LY96: variants seen among roughly 807,000 people sequenced by gnomAD.
The protein encoded by LY96 is lymphocyte antigen 96.
LY96 carries 18 observed loss-of-function variants against 18.9 expected under a neutral mutation model. That is an observed-to-expected ratio of 0.95 (90% CI 0.66 to 1.41). The LOEUF is 1.41. Ranked by LOEUF, LY96 falls within the 40% of genes most tolerant of loss-of-function variation. The pLI is 0.00. For synonymous variants in LY96, 66 were observed against 62.6 expected, an observed-to-expected ratio of 1.06 and a Z score of -0.26; for missense variants, 175 against 182.4, an observed-to-expected ratio of 0.96 and a Z score of 0.23.
chr8:74,005,816 G>T, intron 2 of LY96, among the ~76,000 whole-genome samples: 1 of 152,188 alleles, frequency 6.6e-6, no homozygotes, highest in Non-Finnish European at 1.5e-5. Context: ...TTGCCTGTAA[G>T]CTCTGGAATC....
At chr8:74,079,244 G>A in the LY96 span, among the ~76,000 whole-genome samples, 1 of 152,188 alleles carries the variant, frequency 6.6e-6, no homozygotes, top group South Asian at 2.1e-4. Context: ...ACTCAGGCTG[G>A]AATTACTCCA....
intron 3 of LY96, among the ~76,000 whole-genome samples, chr8:74,021,380 C>T (rs1288823540): frequency 6.6e-6 from 1 of 152,222 alleles, no homozygotes; most frequent in Middle Eastern, 3.2e-3. Context: ...GATACCATCT[C>T]ACACTGGTTA....
At position 74,025,985 on chromosome 8, in the gene LY96, G is replaced by A. The variant is rs550744623; in HGVS notation, c.332-804G>A. ...ATCACGCCATTGTACTCCGGCCTGG[G>A]CAACAGAGTGAGACTCCATCTCAAA... On this transcript the variant is annotated intron_variant, in intron 3 of 4. Transcript: ENST00000284818. 3.3e-5 allele frequency among the ~76,000 whole-genome samples: 5 copies of A among 152,282 alleles called. No homozygotes were observed. In the South Asian group the frequency reaches 6.2e-4, roughly 19 times the overall value.
At chr8:74,005,613 G>A (rs1219026328) in intron 2 of LY96, among the ~76,000 whole-genome samples, 2 of 152,214 alleles carry the variant, frequency 1.3e-5, no homozygotes, top group Non-Finnish European at 2.9e-5. Flanking sequence ...GAAAAATACA[G>A]TAATAATGGG....
the LY96 span, among the ~76,000 whole-genome samples, chr8:74,058,053 A>G: frequency 6.6e-6 from 1 of 152,172 alleles, no homozygotes; most frequent in Non-Finnish European, 1.5e-5. Context: ...TCCTGTTTGA[A>G]GAGGATACTT....
At chr8:74,019,907 G>C (rs1474258577) in intron 3 of LY96, among the ~76,000 whole-genome samples, 1 of 152,126 alleles carries the variant, frequency 6.6e-6, no homozygotes, top group Non-Finnish European at 1.5e-5. Flanking sequence ...ACTAGCTATT[G>C]ATGGAACGTA....
At chr8:74,034,683 G>A in the LY96 span, among the ~76,000 whole-genome samples, 4 of 152,110 alleles carry the variant, frequency 2.6e-5, no homozygotes, top group East Asian at 7.7e-4. Context: ...CTGAAGAGTA[G>A]AGATGCGAAT....
the LY96 span, among the ~76,000 whole-genome samples, chr8:74,068,378 A>G: frequency 6.6e-6 from 1 of 152,176 alleles, no homozygotes; most frequent in Admixed American, 6.5e-5. Flanking sequence ...ACCTTTTGAC[A>G]GACATTTGGA....
At chr8:74,017,339 G>A (rs1021037588) in intron 3 of LY96, among the ~76,000 whole-genome samples, 3 of 152,152 alleles carry the variant, frequency 2.0e-5, no homozygotes, top group Admixed American at 6.5e-5. Flanking sequence ...GAAGCAAGAA[G>A]AGAAGTTTAG....
rs148084078 is a variant in LY96, at chr8:74,015,904, C to T, written c.331+5775C>T. Among the ~76,000 whole-genome samples, 1,136 of 152,338 alleles carry T rather than the reference C, an allele frequency of 7.5e-3. 12 individuals carry two copies. Among genetic ancestry groups the T allele is most frequent in the African/African-American group, 0.026 (1,075 of 41,560 alleles). Reference sequence around the variant, plus strand: ...AATGGAAGGGTCCGTTCCAAGATGGCCAAATAGGAGCAGCTCCAGTCTGCA... The same window carrying T: ...AATGGAAGGGTCCGTTCCAAGATGGTCAAATAGGAGCAGCTCCAGTCTGCA... On this transcript the variant is annotated intron_variant, in intron 3 of 4. Transcript: ENST00000284818.
intron 3 of LY96, among the ~76,000 whole-genome samples, chr8:74,013,381 C>T (rs528413319): frequency 6.6e-6 from 1 of 152,178 alleles, no homozygotes; most frequent in Admixed American, 6.5e-5. Context: ...CCTCGGCCTC[C>T]CAAAGTGCCT....
intron 2 of LY96, among the ~76,000 whole-genome samples, chr8:74,005,299 G>A (rs758108538): frequency 5.3e-5 from 8 of 152,164 alleles, no homozygotes; most frequent in Non-Finnish European, 7.3e-5. Flanking sequence ...CAAAGCCAGC[G>A]AGGGGGACAG....
chr8:74,028,550 C>T (rs892914895), intron 4 of LY96, among the ~76,000 whole-genome samples: 2 of 151,936 alleles, frequency 1.3e-5, no homozygotes, highest in Admixed American at 1.3e-4. Context: ...TCTGGTCATC[C>T]ATGCCTTTGT....
chr8:74,086,280 G>C, the LY96 span, among the ~76,000 whole-genome samples: 1 of 152,134 alleles, frequency 6.6e-6, no homozygotes, highest in African/African-American at 2.4e-5. Context: ...ACCATCTTCT[G>C]TCTTTCTCTA....
the LY96 span, among the ~76,000 whole-genome samples, chr8:74,077,663 T>C: frequency 6.6e-6 from 1 of 151,884 alleles, no homozygotes; most frequent in African/African-American, 2.4e-5. Flanking sequence ...AATGAAAAGA[T>C]AAATATAGAA....
the LY96 span, among the ~76,000 whole-genome samples, chr8:74,098,663 C>T: frequency 6.6e-6 from 1 of 152,220 alleles, no homozygotes; most frequent in Non-Finnish European, 1.5e-5. Context: ...AGCCACCACA[C>T]CCAGACCATC....
intron 3 of LY96, among the ~76,000 whole-genome samples, chr8:74,018,780 T>C (rs1300648041): frequency 6.6e-6 from 1 of 152,108 alleles, no homozygotes; most frequent in Non-Finnish European, 1.5e-5. Context: ...CACTAAAAAC[T>C]ACACAACTAC....
At chr8:74,056,644 G>A in the LY96 span, 1 of 154,270 alleles carries the variant, frequency 6.5e-6, no homozygotes, top group Non-Finnish European at 1.4e-5. Flanking sequence ...TCAAGAACCT[G>A]TTTAATATTC....
chr8:74,014,842 CACACAT>C (rs943836671), intron 3 of LY96, among the ~76,000 whole-genome samples: 2 of 151,598 alleles, frequency 1.3e-5, no homozygotes, highest in African/African-American at 2.4e-5. Context: ...CACACACACA[CACACAT>C]ATATCTGTTT....
Sources: gnomAD v4.1 joint callset for allele counts (sites outside exome capture counted in the v4.1 genomes callset) on GRCh38, gnomAD v4.1.1 for gene constraint, MANE v1.5 for transcripts, NCBI Gene and HGNC (gene_info 2026-07-23, HGNC 2026-07-21) for gene names.